Variants in CNNM2 observed in about 807,000 individuals in gnomAD.
The protein encoded by CNNM2 is metal transporter CNNM2.
A neutral mutation model predicts 66.9 loss-of-function variants in CNNM2; 12 were observed. The observed-to-expected ratio is 0.18, with a 90% CI of 0.11 to 0.29. CNNM2 has a LOEUF of 0.29. Ranked by LOEUF, CNNM2 falls within the 10% of genes least tolerant of loss-of-function variation. The probability of loss-of-function intolerance (pLI) is 1.00; values close to 1 mark genes in which losing one functional copy is unlikely to be tolerated. For synonymous variants in CNNM2, 557 were observed against 501.8 expected (o/e 1.11, Z -1.47); for missense variants, 705 against 1,167.7 (o/e 0.60, Z 5.77).
rs2066176228 is a variant in CNNM2, at chr10:103,089,641, T to C, written c.*12461T>C. 1.9e-6 allele frequency: 3 copies of C among 1,553,940 alleles called. No individual in the cohort carries two copies. Among genetic ancestry groups the C allele is most frequent in the Non-Finnish European group, 2.6e-6 (3 of 1,150,220 alleles). On this transcript the variant is annotated 3_prime_UTR_variant, in exon 8 of 8. Transcript: ENST00000369878. ...CCTGTGAGTCCTGCCAGGACTTGTT[T>C]AATGGGTGCTTGGGGTTTTGGTTTT...
In CNNM2 at chr10:103,078,244, G is replaced by A. The variant is rs979075403; in HGVS notation, c.*1064G>A. ...CTAGCTGCACTCTGTACTGTGTGCC[G>A]AGAAGGCATTTCTAGACCCGTGTTT... On this transcript the variant is annotated 3_prime_UTR_variant, in exon 8 of 8. Transcript: ENST00000369878. The A allele has an allele frequency of 2.0e-5, 3 of 152,246 alleles. No homozygotes were observed. Among genetic ancestry groups the A allele is most frequent in the East Asian group, 1.9e-4 (1 of 5,174 alleles). 9.4% of individuals were successfully genotyped at this position (152,246 alleles called of 1,614,324 possible). A position where few individuals can be genotyped will look rare whatever the true frequency, so the allele number is the denominator to read the frequency against.
chr10:102,979,925 T>A (rs1488371509), intron 1 of CNNM2, among the ~76,000 whole-genome samples: 2 of 152,056 alleles, frequency 1.3e-5, no homozygotes, highest in Non-Finnish European at 2.9e-5. Flanking sequence ...TTTTTATTTT[T>A]TTTTTTGAGA....
At chr10:103,008,731 A>G (rs2064275881) in intron 1 of CNNM2, among the ~76,000 whole-genome samples, 1 of 147,514 alleles carries the variant, frequency 6.8e-6, no homozygotes, top group African/African-American at 2.5e-5. Flanking sequence ...GTGAGCCGAG[A>G]TCAAGCCACT....
chr10:102,971,456 G>A (rs1331954634), intron 1 of CNNM2, among the ~76,000 whole-genome samples: 1 of 152,022 alleles, frequency 6.6e-6, no homozygotes, highest in Non-Finnish European at 1.5e-5. Context: ...AGAGGTATAG[G>A]AAGTCACTTA....
At chr10:102,927,558 C>A in intron 1 of CNNM2, 1 of 1,122,604 alleles carries the variant, frequency 8.9e-7, no homozygotes. Context: ...TCAGGAGTTC[C>A]AGACTGACAG....
At chr10:103,027,670 C>G (rs980722616) in intron 1 of CNNM2, among the ~76,000 whole-genome samples, 1 of 152,140 alleles carries the variant, frequency 6.6e-6, no homozygotes, top group African/African-American at 2.4e-5. Flanking sequence ...CTACTTATAG[C>G]TGTATAATTC....
intron 1 of CNNM2, among the ~76,000 whole-genome samples, chr10:102,936,382 A>G (rs1260417341): frequency 2.0e-5 from 3 of 152,174 alleles, no homozygotes; most frequent in African/African-American, 7.2e-5. Context: ...GAATAATTTC[A>G]TCTCTGTAGA....
At chr10:103,057,994 G>A (rs2065323035) in intron 4 of CNNM2, among the ~76,000 whole-genome samples, 2 of 152,210 alleles carry the variant, frequency 1.3e-5, no homozygotes, top group African/African-American at 4.8e-5. Context: ...TCGATAAAAT[G>A]CTAATGTGGA....
chr10:103,039,736 G>A (rs1357031560), intron 1 of CNNM2, among the ~76,000 whole-genome samples: 1 of 152,146 alleles, frequency 6.6e-6, no homozygotes, highest in Non-Finnish European at 1.5e-5. Flanking sequence ...GTGAGTGAGG[G>A]GCTGGGGCTC....
At chr10:103,043,634 G>T (rs1430162219) in intron 1 of CNNM2, among the ~76,000 whole-genome samples, 1 of 152,180 alleles carries the variant, frequency 6.6e-6, no homozygotes, top group African/African-American at 2.4e-5. Context: ...GTGGAGCAGT[G>T]GAAGCAGGCA....
At position 103,046,947 on chromosome 10, in the gene CNNM2, G is replaced by C. The variant is rs77429269; in HGVS notation, c.1622-2760G>C. On this transcript the variant is annotated intron_variant, in intron 1 of 7. Transcript: ENST00000369878. Reference sequence around the variant, plus strand: ...TCTGAAACCATACCAGTAGACCTTTGGACTCTTACATTAACTTTGTTTGGT... The same window carrying C: ...TCTGAAACCATACCAGTAGACCTTTCGACTCTTACATTAACTTTGTTTGGT... Among the ~76,000 whole-genome samples the C allele has an allele frequency of 3.9e-3, 595 of 152,142 alleles. 1 individual carries two copies. Among genetic ancestry groups the C allele is most frequent in the Non-Finnish European group, 6.6e-3 (446 of 68,002 alleles).
At chr10:103,075,703 T>C (rs1048235578) in intron 6 of CNNM2, among the ~76,000 whole-genome samples, 5 of 152,264 alleles carry the variant, frequency 3.3e-5, no homozygotes, top group Non-Finnish European at 7.3e-5. Flanking sequence ...AATGAAGTGC[T>C]GTCCTCTGCG....
At chr10:103,071,164 A>G (rs2134363643) in intron 5 of CNNM2, among the ~76,000 whole-genome samples, 1 of 152,348 alleles carries the variant, frequency 6.6e-6, no homozygotes, top group East Asian at 1.9e-4. Flanking sequence ...CCTGCTCAAC[A>G]TTTCATGTTC....
In CNNM2 at chr10:103,086,331, T is replaced by C. The variant is rs1395700510; in HGVS notation, c.*9151T>C. On this transcript the variant is annotated 3_prime_UTR_variant, in exon 8 of 8. Transcript: ENST00000369878. ...CTAAACTACTAAGCCCAGTGAGGAA[T>C]TGGAGCGTTAACTGTATGGCAATAG... The C allele has an allele frequency of 1.3e-5, 2 of 152,174 alleles. No individual in the cohort carries two copies. The highest frequency in any genetic ancestry group is 2.1e-4 in the South Asian group (1 of 4,834). 9.4% of individuals were successfully genotyped at this position (152,174 alleles called of 1,614,324 possible).
intron 1 of CNNM2, among the ~76,000 whole-genome samples, chr10:102,946,949 C>G (rs1364628212): frequency 1.3e-5 from 2 of 152,154 alleles, no homozygotes; most frequent in South Asian, 4.1e-4. Context: ...TCCATTTTTT[C>G]CCCTTCAAAT....
At chr10:103,067,552 T>C (rs1041473645) in intron 4 of CNNM2, among the ~76,000 whole-genome samples, 1 of 152,218 alleles carries the variant, frequency 6.6e-6, no homozygotes, top group Non-Finnish European at 1.5e-5. Flanking sequence ...GTTCACCCAT[T>C]GTAAAGGATG....
At chr10:103,065,183 CCCTTGAGAGG>C (rs2065456093) in intron 4 of CNNM2, among the ~76,000 whole-genome samples, 1 of 152,188 alleles carries the variant, frequency 6.6e-6, no homozygotes, top group African/African-American at 2.4e-5. Context: ...TTGAGGGAGT[CCCTTGAGAGG>C]CCAGGGCACA....
intron 1 of CNNM2, among the ~76,000 whole-genome samples, chr10:103,043,319 C>G (rs1362658805): frequency 6.6e-6 from 1 of 152,212 alleles, no homozygotes; most frequent in Non-Finnish European, 1.5e-5. Context: ...GTTCCTAATT[C>G]CCTTCCACTA....
intron 1 of CNNM2, among the ~76,000 whole-genome samples, chr10:102,964,490 A>C (rs1333340114): frequency 6.6e-6 from 1 of 152,260 alleles, no homozygotes; most frequent in Non-Finnish European, 1.5e-5. Flanking sequence ...CGGCCTCCGA[A>C]AGAGCTGGGG....
Sources: gnomAD v4.1 joint callset for allele counts (sites outside exome capture counted in the v4.1 genomes callset) on GRCh38, gnomAD v4.1.1 for gene constraint, MANE v1.5 for transcripts, NCBI Gene and HGNC (gene_info 2026-07-23, HGNC 2026-07-21) for gene names.